Variants in SPACA7 observed in about 807,000 individuals in gnomAD.
The protein encoded by SPACA7 is sperm acrosome associated 7, also known as sperm acrosome-associated protein 7.
Under a neutral mutation model 26.3 loss-of-function variants are expected in SPACA7, and 19 were observed. The observed-to-expected ratio is 0.72, with a 90% confidence interval of 0.50 to 1.06. The LOEUF (loss-of-function observed/expected upper bound fraction) is 1.06. SPACA7 is among the 50% of genes least tolerant of loss of function. SPACA7 has a pLI of 0.00. For synonymous variants in SPACA7, 84 were observed against 84.5 expected (o/e 0.99, Z 0.04); for missense variants, 211 against 229.9 (o/e 0.92, Z 0.53).
At chr13:112,402,456 C>G (rs1475522716) in intron 5 of SPACA7, among the ~76,000 whole-genome samples, 3 of 152,160 alleles carry the variant, frequency 2.0e-5, no homozygotes, top group Non-Finnish European at 2.9e-5. Flanking sequence ...TCCAGATCTG[C>G]TGTATTATCA....
At chr13:112,414,407 T>C in intron 5 of SPACA7, among the ~76,000 whole-genome samples, 2 of 99,172 alleles carry the variant, frequency 2.0e-5, no homozygotes, top group Non-Finnish European at 4.1e-5. Context: ...TTTTTTTTTT[T>C]TTTTTTTTTT....
intron 2 of SPACA7, among the ~76,000 whole-genome samples, chr13:112,395,096 C>T (rs1330440916): frequency 2.3e-4 from 35 of 152,086 alleles, no homozygotes; most frequent in Middle Eastern, 3.2e-3. Context: ...TCAAAGCCTC[C>T]GAGTCACCAT....
chr13:112,416,596 T>C (rs1886707443), intron 5 of SPACA7, among the ~76,000 whole-genome samples: 1 of 152,186 alleles, frequency 6.6e-6, no homozygotes, highest in African/African-American at 2.4e-5. Context: ...CCCTGCTTTG[T>C]CAGTTTTTAA....
intron 1 of SPACA7, among the ~76,000 whole-genome samples, chr13:112,390,703 G>A (rs1199324831): frequency 6.6e-6 from 1 of 152,182 alleles, no homozygotes; most frequent in East Asian, 1.9e-4. Flanking sequence ...CAGGTGCTAC[G>A]CACTTGTAAA....
intron 5 of SPACA7, among the ~76,000 whole-genome samples, chr13:112,406,527 CTCTA>C (rs1885999213): frequency 6.6e-6 from 1 of 152,128 alleles, no homozygotes; most frequent in South Asian, 2.1e-4. Flanking sequence ...CAACAAATAA[CTCTA>C]TCTAAAAATT....
At chr13:112,413,357 T>C (rs1019698179) in intron 5 of SPACA7, among the ~76,000 whole-genome samples, 8 of 123,614 alleles carry the variant, frequency 6.5e-5, no homozygotes, top group Admixed American at 5.8e-4. Flanking sequence ...GCATTCTTGG[T>C]TGGAAGAGTT....
At chr13:112,432,160 T>C (rs116078024) in intron 5 of SPACA7, among the ~76,000 whole-genome samples, 37 of 152,218 alleles carry the variant, frequency 2.4e-4, no homozygotes, top group African/African-American at 8.4e-4. Context: ...TATGCTAGTG[T>C]CTCCTAAGAG....
intron 1 of SPACA7, among the ~76,000 whole-genome samples, chr13:112,392,379 T>C (rs1483343051): frequency 1.3e-5 from 2 of 152,122 alleles, no homozygotes; most frequent in African/African-American, 4.8e-5. Flanking sequence ...CCTCGGCATT[T>C]CACCCACATG....
chr13:112,433,551 C>T (rs1877407799), intron 6 of SPACA7, among the ~76,000 whole-genome samples: 1 of 151,754 alleles, frequency 6.6e-6, no homozygotes, highest in East Asian at 1.9e-4. Flanking sequence ...CCCTCACTGT[C>T]CACAAGCGTG....
At chr13:112,399,301 T>C (rs1001892002) in intron 4 of SPACA7, 128 bp downstream of exon 4, 26 of 683,664 alleles carry the variant, frequency 3.8e-5, no homozygotes, top group Non-Finnish European at 6.6e-5. Context: ...TGTGCCCACT[T>C]CCCCTGGTTG....
At position 112,417,024 on chromosome 13, in the gene SPACA7, A is replaced by C. The variant is rs114572190; in HGVS notation, c.446-15420A>C. 8.1e-3 allele frequency among the ~76,000 whole-genome samples: 1,230 copies of C among 151,338 alleles called. 16 individuals carry two copies. The highest frequency in any genetic ancestry group is 0.028 in the African/African-American group (1,160 of 41,188). Reference sequence around the variant, plus strand: ...TCCTTGATTTATACTTTTTTTTTTCATTAAGTTGATAGAGAACGCTGCTTC... The same window carrying C: ...TCCTTGATTTATACTTTTTTTTTTCCTTAAGTTGATAGAGAACGCTGCTTC... On this transcript the variant is annotated intron_variant, in intron 5 of 6. Coordinates refer to ENST00000283550, the MANE Select transcript of SPACA7 (RefSeq NM_145248.5).
chr13:112,420,984 C>A (rs1277733132), intron 5 of SPACA7, among the ~76,000 whole-genome samples: 2 of 151,958 alleles, frequency 1.3e-5, no homozygotes, highest in East Asian at 1.9e-4. Flanking sequence ...GAGAAAATAT[C>A]TTTTACATAT....
intron 1 of SPACA7, among the ~76,000 whole-genome samples, chr13:112,380,444 A>G (rs1883980564): frequency 6.6e-6 from 1 of 151,568 alleles, no homozygotes; most frequent in African/African-American, 2.4e-5. Flanking sequence ...CAATAATTCA[A>G]CAAAACTTTG....
rs751571382 is a variant in SPACA7 at position 112,399,074 on chromosome 13, A to G, written c.250A>G (p.Ile84Val). Residue 84 changes from isoleucine (I) to valine (V), a missense_variant, in exon 4 of 7, where the codon ATT (isoleucine) becomes GTT (valine). By Grantham distance (29) the Ile-to-Val change is conservative. Transcript: ENST00000283550. ...STLSTPLHAG[I>V]DENYQAGGSE... ...CATGTTCTTCATTGAAGATGCTGGT[A>G]TTGATGAGAATTATCAAGCTGGTGG... 6.3e-7 allele frequency: 1 copy of G among 1,596,658 alleles called. No individual in the cohort carries two copies. The highest frequency in any genetic ancestry group is 8.6e-7 in the Non-Finnish European group (1 of 1,165,064).
chr13:112,431,447 T>C (rs772950840), intron 5 of SPACA7, among the ~76,000 whole-genome samples: 12 of 152,176 alleles, frequency 7.9e-5, no homozygotes, highest in Non-Finnish European at 1.6e-4. Flanking sequence ...CCTGGTAAAA[T>C]CTAAGTATCC....
intron 5 of SPACA7, among the ~76,000 whole-genome samples, chr13:112,414,890 G>A (rs948001077): frequency 6.6e-5 from 10 of 152,118 alleles, no homozygotes; most frequent in African/African-American, 1.7e-4. Flanking sequence ...TGGTGCCTGG[G>A]CATTGAAAGT....
intron 5 of SPACA7, among the ~76,000 whole-genome samples, chr13:112,406,698 T>C (rs917685438): frequency 6.6e-6 from 1 of 152,324 alleles, no homozygotes; most frequent in Non-Finnish European, 1.5e-5. Flanking sequence ...CATTAATGGA[T>C]GAGTTAAGCC....
At chr13:112,386,099 T>C (rs1292298526) in intron 1 of SPACA7, among the ~76,000 whole-genome samples, 1 of 152,238 alleles carries the variant, frequency 6.6e-6, no homozygotes, top group Non-Finnish European at 1.5e-5. Context: ...GAGAAGACAG[T>C]GCAATGCTTC....
chr13:112,394,802 C>T (rs1413471021), intron 2 of SPACA7, among the ~76,000 whole-genome samples: 1 of 152,174 alleles, frequency 6.6e-6, no homozygotes, highest in Non-Finnish European at 1.5e-5. Flanking sequence ...GTGTCTCAGC[C>T]ACCCCCAGAG....
Sources: gnomAD v4.1 joint callset for allele counts (sites outside exome capture counted in the v4.1 genomes callset) on GRCh38, gnomAD v4.1.1 for gene constraint, MANE v1.5 for transcripts, NCBI Gene and HGNC (gene_info 2026-07-23, HGNC 2026-07-21) for gene names.